Variants in TNNI1 observed in about 807,000 individuals in gnomAD.
TNNI1 encodes the protein troponin I1, slow skeletal type, also known as troponin I, slow skeletal muscle.
In TNNI1, 14 loss-of-function variants were observed where a neutral mutation model predicts 26.7. That is an observed-to-expected ratio of 0.52 (90% CI 0.35 to 0.82). The LOEUF is 0.82. TNNI1 is among the 40% of genes least tolerant of loss of function. TNNI1 has a pLI of 0.01. For synonymous variants in TNNI1, 79 were observed against 98.2 expected, an observed-to-expected ratio of 0.80 and a Z score of 1.16; for missense variants, 164 against 257.0, an observed-to-expected ratio of 0.64 and a Z score of 2.47.
intron 8 of TNNI1, 33 bp downstream of exon 8, chr1:201,410,293 G>A (rs373397162): frequency 5.7e-6 from 9 of 1,582,206 alleles, no homozygotes; most frequent in Admixed American, 3.3e-5. Context: ...AGACTCTGAT[G>A]GACCCCAGAG....
At position 201,407,490 on chromosome 1, in the gene TNNI1, C is replaced by A. The variant is rs1662541762; in HGVS notation, c.*1763G>T. 3 of 152,390 alleles carry A rather than the reference C, an allele frequency of 2.0e-5. No homozygotes were observed. The highest frequency in any genetic ancestry group is 1.3e-4 in the Admixed American group (2 of 15,306). 9.4% of individuals were successfully genotyped at this position (152,390 alleles called of 1,614,324 possible). On this transcript the variant is annotated 3_prime_UTR_variant, in exon 9 of 9. Transcript: ENST00000361379. ...TTTCTGAAAGGGGCTGGCAGCCCAG[C>A]AGCCCAGAGAGCCAGACCATGCCCT...
chr1:201,414,562 T>G lies in TNNI1; in HGVS notation c.145A>C (p.Ile49Leu), dbSNP rs1488949215. ...AEKVRYLAERIPTLQTRGLSL... is the reference protein window; with the variant it reads ...AEKVRYLAERLPTLQTRGLSL... ...AGGCCACGGGTCTGCAGCGTGGGGATGCGCTCTGCCAGGTAGCGCACCTTC... is the reference window on the plus strand; with the variant it reads ...AGGCCACGGGTCTGCAGCGTGGGGAGGCGCTCTGCCAGGTAGCGCACCTTC... Residue 49 changes from isoleucine to leucine, a missense_variant, in exon 5 of 9, where the codon ATC (isoleucine) becomes CTC (leucine). Ile to Leu is a conservative substitution (Grantham distance 5). This residue lies in a region of TNNI1 where 117 missense variants were observed against 158.7 expected (regional missense o/e 0.74). Transcript: ENST00000361379. 3 of 1,613,180 alleles carry G rather than the reference T, an allele frequency of 1.9e-6. No homozygotes were observed. The highest frequency in any genetic ancestry group is 2.7e-5 in the African/African-American group (2 of 74,944).
chr1:201,415,575 A>ACCCCC (rs5780068), intron 3 of TNNI1, among the ~76,000 whole-genome samples: 2 of 151,078 alleles, frequency 1.3e-5, no homozygotes, highest in Non-Finnish European at 2.9e-5. Flanking sequence ...GGATATTAGG[A>ACCCCC]CCCCCCCCCT....
intron 1 of TNNI1, among the ~76,000 whole-genome samples, chr1:201,420,078 C>T (rs11807656): frequency 0.029 from 4,429 of 152,328 alleles, 83 homozygotes; most frequent in South Asian, 0.084. Context: ...TGGGATGTGC[C>T]TTGTCCTTGG....
At chr1:201,413,860 G>T (rs1267154860) in intron 5 of TNNI1, among the ~76,000 whole-genome samples, 1 of 152,036 alleles carries the variant, frequency 6.6e-6, no homozygotes, top group African/African-American at 2.4e-5. Flanking sequence ...CTCACACTAT[G>T]TTGCCCAGGC....
intron 1 of TNNI1, among the ~76,000 whole-genome samples, chr1:201,420,557 G>A (rs7526068): frequency 0.014 from 2,121 of 152,316 alleles, 49 homozygotes; most frequent in African/African-American, 0.048. Context: ...GTGTAAGTGT[G>A]TGTAAGTGAC....
rs568081366 is a variant in TNNI1, at chr1:201,411,902, C to T, written c.280-369G>A. Among the ~76,000 whole-genome samples the T allele has an allele frequency of 5.8e-4, 88 of 152,306 alleles. 3 individuals carry two copies. The South Asian group carries it at 0.015, about 26-fold the overall frequency. ...GATCTGACAGGAGGCAGAGCTCAGG[C>T]GGGAATGCTCATTTGCCCACTGCTC... On this transcript the variant is annotated intron_variant, in intron 6 of 8. Coordinates refer to ENST00000361379, the MANE Select transcript of TNNI1 (RefSeq NM_003281.4). The surrounding 1 kb of genome is among the most constrained non-coding windows in gnomAD (Gnocchi z 4.6).
At chr1:201,414,457 T>C (rs1662698191) in intron 5 of TNNI1, 61 bp downstream of exon 5, 1 of 1,434,334 alleles carries the variant, frequency 7.0e-7, no homozygotes, top group Non-Finnish European at 9.3e-7. Flanking sequence ...CGCCTGGTCC[T>C]TGGAGCCACC....
rs1053197293 is a variant in TNNI1 at position 201,405,187 on chromosome 1, G to A, written c.*4066C>T. ...TCTGGGGACCTACTTCCTAGCTCCA[G>A]TTAGGTTTGTGACCTTGAGCAAGTC... On this transcript the variant is annotated 3_prime_UTR_variant, in exon 9 of 9. Transcript: ENST00000361379. 6.5e-6 allele frequency: 1 copy of A among 152,704 alleles called. No homozygotes were observed. The highest frequency in any genetic ancestry group is 1.5e-5 in the Non-Finnish European group (1 of 68,134). The allele number at this position is 152,704 out of a possible 1,614,324, so 9.5% of individuals were successfully genotyped here.
chr1:201,419,989 C>T (rs1464802260), intron 1 of TNNI1, among the ~76,000 whole-genome samples: 2 of 152,222 alleles, frequency 1.3e-5, no homozygotes, highest in East Asian at 1.9e-4. Flanking sequence ...GGCGAAGAGC[C>T]ACCTCCAGGC....
intron 1 of TNNI1, among the ~76,000 whole-genome samples, chr1:201,421,063 G>A (rs1206715622): frequency 2.0e-5 from 3 of 152,238 alleles, no homozygotes; most frequent in Non-Finnish European, 4.4e-5. Context: ...AGCAGGAGCA[G>A]TCAAGAGGGG....
chr1:201,417,884 G>T (rs956537145), intron 1 of TNNI1, 72 bp from the exon 2 acceptor site: 1 of 1,157,330 alleles, frequency 8.6e-7, no homozygotes, highest in East Asian at 2.9e-5. Context: ...GGCCTTGGGA[G>T]CCCAGCCTAG....
chr1:201,418,384 C>T (rs1662792722), intron 1 of TNNI1, among the ~76,000 whole-genome samples: 1 of 150,988 alleles, frequency 6.6e-6, no homozygotes, highest in South Asian at 2.1e-4. Flanking sequence ...AGAAGAATTG[C>T]TTGAACCCAG....
intron 3 of TNNI1, among the ~76,000 whole-genome samples, chr1:201,415,759 T>C (rs560896670): frequency 3.9e-5 from 6 of 152,240 alleles, no homozygotes. Context: ...AACGTATCTA[T>C]GTAGACCTCA....
At position 201,417,049 on chromosome 1, in the gene TNNI1, C is replaced by A. The variant is rs1662754637; in HGVS notation, c.15+67G>T. 4.0e-5 allele frequency: 64 copies of A among 1,605,154 alleles called. No homozygotes were observed. The South Asian group carries it at 6.8e-4, about 17-fold the overall frequency. On this transcript the variant is annotated intron_variant, in intron 3 of 8. Transcript: ENST00000361379. Reference sequence around the variant, plus strand: ...GCTCTTCCCTCTCCTCAGATGCCAACCCCACCTTCCCACTTTTACCAGTCG... The same window carrying A: ...GCTCTTCCCTCTCCTCAGATGCCAAACCCACCTTCCCACTTTTACCAGTCG...
chr1:201,415,023 C>T (rs901026520), intron 4 of TNNI1, among the ~76,000 whole-genome samples, 190 bp downstream of exon 4: 3 of 152,244 alleles, frequency 2.0e-5, no homozygotes, highest in African/African-American at 7.2e-5. Flanking sequence ...AATCCATACT[C>T]GAGGATCCCA....
In TNNI1 at chr1:201,406,623, T is replaced by C. The variant is rs1256946; in HGVS notation, c.*2630A>G. The stretch of plus-strand genomic sequence containing the variant: ...AGGCCCCAGCTCCCAGCTCTACTGG[T>C]GTTGTCTCCATGGTGAGAGAAGACT... On this transcript the variant is annotated 3_prime_UTR_variant, in exon 9 of 9. Coordinates refer to ENST00000361379, the MANE Select transcript of TNNI1 (RefSeq NM_003281.4). The C allele has an allele frequency of 0.49, 73,991 of 152,118 alleles. 18,974 individuals carry two copies. Among genetic ancestry groups the C allele is most frequent in the African/African-American group, 0.66 (27,423 of 41,480 alleles). 9.4% of individuals were successfully genotyped at this position (152,118 alleles called of 1,614,324 possible). A position where few individuals can be genotyped will look rare whatever the true frequency, so the allele number is the denominator to read the frequency against.
rs1662575625 is a variant in TNNI1, at chr1:201,408,735, CTTA to C, written c.*515_*517del. ...GACCCTGGCAAGCAGCCACCAATTC[CTTA>C]GCCCTCCCTTCAGATCCCGAGCTCC... On this transcript the variant is annotated 3_prime_UTR_variant, in exon 9 of 9. Transcript: ENST00000361379. The C allele has an allele frequency of 1.3e-5, 2 of 152,378 alleles. No individual in the cohort carries two copies. The highest frequency in any genetic ancestry group is 2.9e-5 in the Non-Finnish European group (2 of 68,152). 9.4% of individuals were successfully genotyped at this position (152,378 alleles called of 1,614,324 possible).
intron 6 of TNNI1, 23 bp downstream of exon 6, chr1:201,413,009 C>T (rs767063048): frequency 1.2e-6 from 2 of 1,611,798 alleles, no homozygotes; most frequent in Non-Finnish European, 1.7e-6. Context: ...TATGGCCATG[C>T]CCCTTCCCTT....
Sources: allele counts gnomAD v4.1 joint callset (sites outside exome capture counted in the v4.1 genomes callset), GRCh38; gene constraint gnomAD v4.1.1; regional missense constraint gnomAD v4.1.1; non-coding constraint Gnocchi (gnomAD v3.1); transcripts MANE v1.5; gene names NCBI Gene and HGNC (gene_info 2026-07-23, HGNC 2026-07-21).